WDR77: variants seen among roughly 807,000 people sequenced by gnomAD.
WDR77 encodes the protein methylosome protein WDR77.
WDR77 carries 31 observed loss-of-function variants against 44.0 expected under a neutral mutation model. The observed-to-expected ratio is 0.70, with a 90% CI of 0.53 to 0.95. The LOEUF is 0.95. Among genes scored for constraint, WDR77 ranks in the 40% least tolerant of loss-of-function variants. WDR77 has a pLI of 0.00. For missense variants in WDR77, 390 were observed against 423.9 expected, an observed-to-expected ratio of 0.92 and a Z score of 0.70; for synonymous variants, 186 against 165.7, an observed-to-expected ratio of 1.12 and a Z score of -0.94.
rs1652928406 is a variant in WDR77, at chr1:111,444,204, G to T, written c.494-80C>A. On this transcript the variant is annotated intron_variant, in intron 4 of 9. Transcript: ENST00000235090. ...GAGGGCCAGCCCAGGAATAATCAAG[G>T]GGCAGGAGGGAGGGAGGGCTGGTCT... 2.8e-6 allele frequency: 4 copies of T among 1,409,368 alleles called. No homozygotes were observed. In the African/African-American group the frequency reaches 4.2e-5, roughly 15 times the overall value. The allele number at this position is 1,409,368 out of a possible 1,614,324, so 87.3% of individuals were successfully genotyped here.
chr1:111,448,972 G>C (rs1051788528), intron 1 of WDR77, 83 bp downstream of exon 1: 1 of 1,538,988 alleles, frequency 6.5e-7, no homozygotes, highest in Non-Finnish European at 8.7e-7. Flanking sequence ...TGCAGGGCGG[G>C]GATGGGCTGG....
chr1:111,449,190 C>T lies in WDR77; in HGVS notation c.-21G>A. 1 of 1,558,724 alleles carries T rather than the reference C, an allele frequency of 6.4e-7. No homozygotes were observed. Among genetic ancestry groups the T allele is most frequent in the Non-Finnish European group, 8.6e-7 (1 of 1,158,618 alleles). On this transcript the variant is annotated 5_prime_UTR_variant, in exon 1 of 10. Coordinates refer to ENST00000235090, the MANE Select transcript of WDR77 (RefSeq NM_024102.4). ...CGCATCTCCACGGTTCCAACTCCAA[C>T]CTAGACTCAAACTGGACGCCGGCCG...
At chr1:111,448,376 A>T (rs1653143073) in intron 2 of WDR77, among the ~76,000 whole-genome samples, 1 of 152,108 alleles carries the variant, frequency 6.6e-6, no homozygotes, top group African/African-American at 2.4e-5. Flanking sequence ...CAGAAGAAAA[A>T]TGGTTCCAAT....
At position 111,446,829 on chromosome 1, in the gene WDR77, T is replaced by C. The variant is rs183356201; in HGVS notation, c.493+266A>G. On this transcript the variant is annotated intron_variant, in intron 4 of 9. Coordinates refer to ENST00000235090, the MANE Select transcript of WDR77 (RefSeq NM_024102.4). ...TCTGAAGGTAGTGAGTTATCTCAGT[T>C]GATTGTTCAGTCAGTTACAGATTAA... The C allele has an allele frequency of 4.2e-4, 160 of 384,012 alleles. 1 individual carries two copies. Among genetic ancestry groups the C allele is most frequent in the Non-Finnish European group, 4.8e-4 (102 of 213,200 alleles). The allele number at this position is 384,012 out of a possible 1,614,324, so 23.8% of individuals were successfully genotyped here.
chr1:111,448,942 G>A, intron 1 of WDR77, 113 bp downstream of exon 1: 1 of 1,488,836 alleles, frequency 6.7e-7, no homozygotes, highest in Non-Finnish European at 9.0e-7. Flanking sequence ...TCGGTGACGC[G>A]ACCCAGGGTC....
In WDR77 at chr1:111,447,437, G is replaced by A. The variant is rs758458743; in HGVS notation, c.441C>T (p.Ile147=). The A allele has an allele frequency of 1.1e-4, 175 of 1,614,136 alleles. No homozygotes were observed. In the East Asian group the frequency reaches 3.7e-3, roughly 34 times the overall value. ...GAGCAATGAGAACAGGGACCCACCA[G>A]ATGTCTTTGCTACCACTGACAGCTT... is the stretch of plus-strand genomic sequence containing the variant. The part of the protein sequence containing the change: ...GTQAVSGSKD[I]CIKVWDLAQQ... Residue 147 remains isoleucine, a splice_region_variant and synonymous_variant, in exon 3 of 10, where the codon ATC becomes ATT. Transcript: ENST00000235090.
chr1:111,442,681 C>T lies in WDR77; in HGVS notation c.772G>A (p.Val258Ile). ...TGTGGGGAGAACACCAGCCCAGTGA[C>T]ACACTGGGAGTGTACAGCTGAGCTC... ...VLSSAVHSQC[V>I]TGLVFSPHSV... is the part of the protein sequence containing the mutation. The change falls in exon 8 of 10, where the codon GTC becomes ATC. Residue 258 changes from valine to isoleucine, a missense_variant. By Grantham distance (29) the Val-to-Ile change is conservative (BLOSUM62 3). Transcript: ENST00000235090. 1 of 1,588,096 alleles carries T rather than the reference C, an allele frequency of 6.3e-7. No homozygotes were observed. The highest frequency in any genetic ancestry group is 8.6e-7 in the Non-Finnish European group (1 of 1,162,188).
chr1:111,447,654 A>G (rs1325194472), intron 2 of WDR77, 78 bp from the exon 3 acceptor site: 20 of 1,527,158 alleles, frequency 1.3e-5, no homozygotes, highest in Non-Finnish European at 1.7e-5. Flanking sequence ...TCAAAGAGCC[A>G]TTGTCACTAA....
rs772823497 is a variant in WDR77, at chr1:111,443,429, C to CA, written c.620-36dup. 630 of 1,538,432 alleles carry CA rather than the reference C, an allele frequency of 4.1e-4. 4 individuals are homozygous for CA. The highest frequency in any genetic ancestry group is 1.6e-3 in the South Asian group (133 of 83,728). On this transcript the variant is annotated intron_variant, in intron 6 of 9. Transcript: ENST00000235090. ...AGAGACGAGGGTCTGGACCAAAACT[C>CA]AGAGTACAGAAGAAGCAGTTTCTCA... is the stretch of plus-strand genomic sequence containing the variant.
chr1:111,442,275 G>C, intron 8 of WDR77, 182 bp from the exon 9 acceptor site: 11 of 623,222 alleles, frequency 1.8e-5, no homozygotes, highest in Non-Finnish European at 3.2e-5. Context: ...GGGAAATGAA[G>C]CAAAGTTAGG....
chr1:111,446,905 G>A (rs1417083694), intron 4 of WDR77, 190 bp downstream of exon 4: 8 of 613,004 alleles, frequency 1.3e-5, no homozygotes, highest in African/African-American at 5.6e-5. Context: ...TTGACTAGTC[G>A]AATTAAAAAA....
At chr1:111,444,789 T>TATGG (rs1399732071) in intron 4 of WDR77, among the ~76,000 whole-genome samples, 1 of 152,222 alleles carries the variant, frequency 6.6e-6, no homozygotes, top group African/African-American at 2.4e-5. Context: ...CAAACACAAG[T>TATGG]ATGGCTCTGT....
chr1:111,446,429 A>T (rs1359460580), intron 4 of WDR77, among the ~76,000 whole-genome samples: 2 of 152,206 alleles, frequency 1.3e-5, no homozygotes, highest in Non-Finnish European at 2.9e-5. Context: ...AAAGTTCAAG[A>T]TTTAAAAGTC....
At chr1:111,444,977 G>C (rs1325090234) in intron 4 of WDR77, among the ~76,000 whole-genome samples, 2 of 152,238 alleles carry the variant, frequency 1.3e-5, no homozygotes, top group African/African-American at 4.8e-5. Flanking sequence ...TGCCAGTTAG[G>C]CTGTTTGGTA....
intron 4 of WDR77, among the ~76,000 whole-genome samples, chr1:111,445,622 T>C (rs979374537): frequency 6.6e-6 from 1 of 151,880 alleles, no homozygotes; most frequent in African/African-American, 2.4e-5. Flanking sequence ...AATAAAGGAT[T>C]TGGAATTCAG....
chr1:111,441,535 A>T (rs1652816465), intron 9 of WDR77, 146 bp from the exon 10 acceptor site: 2 of 1,319,830 alleles, frequency 1.5e-6, no homozygotes, highest in Non-Finnish European at 1.9e-6. Flanking sequence ...CCAGGATAGC[A>T]GTGTAGCTAT....
Position 111,449,056 on chromosome 1 carries a change from G to A in WDR77, c.114C>T (p.Ser38=), listed in dbSNP as rs1188272233. The A allele has an allele frequency of 6.3e-7, 1 of 1,586,862 alleles. No homozygotes were observed. Among genetic ancestry groups the A allele is most frequent in the Non-Finnish European group, 8.6e-7 (1 of 1,167,976 alleles). The stretch of plus-strand genomic sequence containing the variant: ...CCCAGGCCCGGGATCTCGGCTCACC[G>A]GACCGGTACCGCGCAGCCTCCAACT... The part of the protein sequence containing the change: ...ERQLEAARYR[S]DGALLLGASS... The change falls in exon 1 of 10, where the codon TCC becomes TCT. Residue 38 remains serine (S), a splice_region_variant and synonymous_variant. Coordinates refer to ENST00000235090, the MANE Select transcript of WDR77 (RefSeq NM_024102.4).
chr1:111,447,236 C>T (rs962265950), intron 3 of WDR77, 92 bp from the exon 4 acceptor site: 272 of 1,539,780 alleles, frequency 1.8e-4, no homozygotes, highest in Non-Finnish European at 2.2e-4. Flanking sequence ...ATCAACATTC[C>T]CCAAGTCTTT....
intron 6 of WDR77, 43 bp downstream of exon 6, chr1:111,443,824 G>C (rs898828470): frequency 3.1e-6 from 5 of 1,613,462 alleles, no homozygotes; most frequent in Non-Finnish European, 4.2e-6. Flanking sequence ...TCTTCTATCA[G>C]GGTTCCAAGT....
Sources: allele counts gnomAD v4.1 joint callset (sites outside exome capture counted in the v4.1 genomes callset), GRCh38; gene constraint gnomAD v4.1.1; transcripts MANE v1.5; gene names NCBI Gene and HGNC (gene_info 2026-07-23, HGNC 2026-07-21).